The following NKAIN3 variants were observed in gnomAD, a reference collection of about 807,000 sequenced individuals.
The protein encoded by NKAIN3 is sodium/potassium transporting ATPase interacting 3.
NKAIN3 carries 25 observed loss-of-function variants against 30.2 expected under a neutral mutation model. The ratio of observed to expected loss-of-function variants is 0.83; its 90% CI spans 0.60 to 1.16. The LOEUF is 1.16. Ranked by LOEUF, NKAIN3 falls within the 50% of genes most tolerant of loss-of-function variation. The pLI is 0.00. For synonymous variants in NKAIN3, 91 were observed against 89.6 expected, an observed-to-expected ratio of 1.02 and a Z score of -0.09; for missense variants, 225 against 254.1, an observed-to-expected ratio of 0.89 and a Z score of 0.78.
chr8:62,812,522 T>G (rs950486723), intron 4 of NKAIN3, among the ~76,000 whole-genome samples: 4 of 151,868 alleles, frequency 2.6e-5, no homozygotes, highest in Non-Finnish European at 4.4e-5. Flanking sequence ...TGACATTTTA[T>G]AATTTACAGC....
At position 62,884,882 on chromosome 8, in the gene NKAIN3, AC is replaced by A. The variant is rs1217296289; in HGVS notation, c.472-33570del. Reference sequence around the variant, plus strand: ...TCTCCCTTTTTTTCTTAGCCTGGCTACAGGTGTATCAATGTTATTGATTTTT... The same window carrying A: ...TCTCCCTTTTTTTCTTAGCCTGGCTAAGGTGTATCAATGTTATTGATTTTT... On this transcript the variant is annotated intron_variant, in intron 4 of 6. Coordinates refer to ENST00000623646, the MANE Select transcript of NKAIN3 (RefSeq NM_001304533.3). Among the ~76,000 whole-genome samples the A allele has an allele frequency of 2.6e-5, 4 of 152,098 alleles. No homozygotes were observed. The East Asian group carries it at 7.7e-4, about 29-fold the overall frequency.
chr8:62,550,239 T>C (rs1166219691), intron 1 of NKAIN3, among the ~76,000 whole-genome samples: 1 of 152,242 alleles, frequency 6.6e-6, no homozygotes, highest in Non-Finnish European at 1.5e-5. Flanking sequence ...TTTTTTCCTT[T>C]GATAAATATG....
intron 1 of NKAIN3, among the ~76,000 whole-genome samples, chr8:62,337,181 G>A (rs2129590546): frequency 6.6e-6 from 1 of 152,074 alleles, no homozygotes; most frequent in Admixed American, 6.5e-5. Context: ...TGAGGTGTAG[G>A]CCTAGAAATG....
chr8:62,516,163 T>A (rs931947741), intron 1 of NKAIN3, among the ~76,000 whole-genome samples: 1 of 152,148 alleles, frequency 6.6e-6, no homozygotes, highest in African/African-American at 2.4e-5. Flanking sequence ...GCAGTCTCAA[T>A]GTTTTCTATA....
chr8:62,400,536 G>C (rs2129595194), intron 1 of NKAIN3, among the ~76,000 whole-genome samples: 1 of 152,240 alleles, frequency 6.6e-6, no homozygotes, highest in South Asian at 2.1e-4. Flanking sequence ...AACCATAGGG[G>C]TGTAGAGGAA....
intron 2 of NKAIN3, 84 bp from the exon 3 acceptor site, chr8:62,589,630 C>T (rs1810588394): frequency 6.6e-6 from 4 of 604,118 alleles, no homozygotes; most frequent in African/African-American, 3.8e-5. Context: ...GACTTATTGA[C>T]ATTTTTATTA....
At chr8:62,671,420 T>C (rs1027172159) in intron 3 of NKAIN3, among the ~76,000 whole-genome samples, 6 of 152,204 alleles carry the variant, frequency 3.9e-5, no homozygotes, top group African/African-American at 1.4e-4. Context: ...AAACATCTCT[T>C]CTTCATGACA....
intron 4 of NKAIN3, among the ~76,000 whole-genome samples, chr8:62,781,323 A>C (rs1325949170): frequency 6.6e-6 from 1 of 151,974 alleles, no homozygotes; most frequent in Non-Finnish European, 1.5e-5. Flanking sequence ...TGTGGGTTGG[A>C]AGAATTTATA....
chr8:62,664,389 C>A (rs1199756403), intron 3 of NKAIN3, among the ~76,000 whole-genome samples: 1 of 152,094 alleles, frequency 6.6e-6, no homozygotes, highest in Admixed American at 6.6e-5. Context: ...CTGAACCCAC[C>A]CAAATCAAAC....
intron 3 of NKAIN3, among the ~76,000 whole-genome samples, chr8:62,666,327 T>C (rs1037098908): frequency 6.6e-6 from 1 of 152,190 alleles, no homozygotes; most frequent in Non-Finnish European, 1.5e-5. Context: ...ATTTTATGCA[T>C]TCCAACTATA....
intron 3 of NKAIN3, among the ~76,000 whole-genome samples, chr8:62,693,470 T>A (rs1188095343): frequency 6.6e-6 from 1 of 152,172 alleles, no homozygotes; most frequent in African/African-American, 2.4e-5. Flanking sequence ...TTCTCCATGG[T>A]CAGTGCAAAG....
intron 1 of NKAIN3, among the ~76,000 whole-genome samples, chr8:62,390,668 G>C (rs1426674119): frequency 2.0e-5 from 3 of 152,080 alleles, no homozygotes; most frequent in Non-Finnish European, 4.4e-5. Context: ...CAGAGTAAAA[G>C]CATTCCTTTT....
At chr8:62,527,748 A>G (rs1808350240) in intron 1 of NKAIN3, among the ~76,000 whole-genome samples, 1 of 152,190 alleles carries the variant, frequency 6.6e-6, no homozygotes, top group Non-Finnish European at 1.5e-5. Context: ...AGAAGTGTTC[A>G]TGCTTTATGT....
chr8:62,427,040 A>G (rs1804829088), intron 1 of NKAIN3, among the ~76,000 whole-genome samples: 2 of 152,048 alleles, frequency 1.3e-5, no homozygotes, highest in African/African-American at 4.8e-5. Flanking sequence ...TGTTTGAGCT[A>G]GTGGCAGTGT....
intron 3 of NKAIN3, among the ~76,000 whole-genome samples, chr8:62,631,629 A>G (rs1489047130): frequency 6.6e-6 from 1 of 152,088 alleles, no homozygotes; most frequent in East Asian, 1.9e-4. Context: ...TCCCACATGT[A>G]TTTGTCACTC....
chr8:62,385,859 A>G, intron 1 of NKAIN3, among the ~76,000 whole-genome samples: 1 of 152,190 alleles, frequency 6.6e-6, no homozygotes, highest in Non-Finnish European at 1.5e-5. Flanking sequence ...TACTGTGTGC[A>G]TCAGTATGTG....
chr8:62,793,915 T>G (rs1480209590), intron 4 of NKAIN3, among the ~76,000 whole-genome samples: 2 of 152,172 alleles, frequency 1.3e-5, no homozygotes, highest in African/African-American at 4.8e-5. Flanking sequence ...GGGAAATCAC[T>G]AATAAAGTCA....
chr8:62,827,607 C>A (rs1819066452), intron 4 of NKAIN3, among the ~76,000 whole-genome samples: 2 of 152,078 alleles, frequency 1.3e-5, no homozygotes, highest in Admixed American at 1.3e-4. Flanking sequence ...ACACCTGCTC[C>A]CAAGTCCATT....
intron 1 of NKAIN3, among the ~76,000 whole-genome samples, chr8:62,395,481 C>G (rs1233073654): frequency 6.6e-6 from 1 of 152,128 alleles, no homozygotes; most frequent in Non-Finnish European, 1.5e-5. Flanking sequence ...GTCTATGAAA[C>G]AAACAAATTG....
Sources: allele counts gnomAD v4.1 joint callset (sites outside exome capture counted in the v4.1 genomes callset), GRCh38; gene constraint gnomAD v4.1.1; transcripts MANE v1.5; gene names NCBI Gene and HGNC (gene_info 2026-07-23, HGNC 2026-07-21).